Variants in COPZ1 observed in about 807,000 individuals in gnomAD.
COPZ1 encodes the protein coat protein complex I subunit zeta 1.
A neutral mutation model predicts 31.7 loss-of-function variants in COPZ1; 4 were observed. That is an observed-to-expected ratio of 0.13 (90% CI 0.06 to 0.29). The LOEUF (loss-of-function observed/expected upper bound fraction) is 0.29. Among genes scored for constraint, COPZ1 ranks in the 10% least tolerant of loss-of-function variants. COPZ1 has a pLI of 1.00. For synonymous variants in COPZ1, 74 were observed against 79.0 expected, an observed-to-expected ratio of 0.94 and a Z score of 0.33; for missense variants, 156 against 211.5, an observed-to-expected ratio of 0.74 and a Z score of 1.63.
rs191869878 is a variant in COPZ1 at position 54,334,469 on chromosome 12, A to G, written c.19-6078A>G. Among the ~76,000 whole-genome samples, 605 of 152,138 alleles carry G rather than the reference A, an allele frequency of 4.0e-3. 2 individuals are homozygous for G. The highest frequency in any genetic ancestry group is 0.014 in the African/African-American group (583 of 41,508). ...ACTGCTCTTCCCTGTCAAAGACTTT[A>G]GCTAATTCTTCTTTTCTTTTCATCT... On this transcript the variant is annotated intron_variant, in intron 1 of 8. Coordinates refer to ENST00000262061, the MANE Select transcript of COPZ1 (RefSeq NM_016057.3).
At chr12:54,326,776 A>G (rs1592194048) in intron 1 of COPZ1, among the ~76,000 whole-genome samples, 2 of 149,568 alleles carry the variant, frequency 1.3e-5, no homozygotes, top group East Asian at 3.9e-4. Context: ...CTTGTCTTTT[A>G]TTTTCCTTCA....
At chr12:54,336,653 A>T (rs947609884) in intron 1 of COPZ1, among the ~76,000 whole-genome samples, 27 of 149,434 alleles carry the variant, frequency 1.8e-4, no homozygotes, top group Non-Finnish European at 1.9e-4. Context: ...ACTAGGAATG[A>T]CTCTTTCCCT....
At chr12:54,326,264 G>A (rs1030653712) in intron 1 of COPZ1, among the ~76,000 whole-genome samples, 2 of 148,634 alleles carry the variant, frequency 1.3e-5, no homozygotes, top group African/African-American at 5.0e-5. Context: ...CTCAGCCTCC[G>A]GAGTGGCTGG....
chr12:54,340,968 G>C (rs1385870795), intron 2 of COPZ1, among the ~76,000 whole-genome samples: 1 of 152,020 alleles, frequency 6.6e-6, no homozygotes, highest in Non-Finnish European at 1.5e-5. Flanking sequence ...CAAAGTGTTG[G>C]GATTACAGGT....
At chr12:54,332,571 C>T (rs573279185) in intron 1 of COPZ1, among the ~76,000 whole-genome samples, 1 of 151,986 alleles carries the variant, frequency 6.6e-6, no homozygotes, top group Non-Finnish European at 1.5e-5. Context: ...GCCCTGTCTA[C>T]TAAAAACACA....
At chr12:54,334,011 G>A (rs2137091042) in intron 1 of COPZ1, among the ~76,000 whole-genome samples, 1 of 152,150 alleles carries the variant, frequency 6.6e-6, no homozygotes, top group East Asian at 1.9e-4. Flanking sequence ...GGGGAGGATC[G>A]CTTGAGCCTG....
Position 54,340,564 on chromosome 12 carries a change from T to C in COPZ1, c.36T>C (p.Thr12=). 1.9e-6 allele frequency: 3 copies of C among 1,614,116 alleles called. No homozygotes were observed. The highest frequency in any genetic ancestry group is 3.3e-4 in the Middle Eastern group (2 of 6,062). The change falls in exon 2 of 9, where the codon ACT becomes ACC. Residue 12 remains threonine, a synonymous_variant. Transcript: ENST00000262061. ...CTCTTCAGGAACCTTCCCTGTATACTGTCAAAGCCATCCTGATTCTGGACA... is the reference window on the plus strand; with the variant it reads ...CTCTTCAGGAACCTTCCCTGTATACCGTCAAAGCCATCCTGATTCTGGACA... ...EALILEPSLY[T]VKAILILDND... is the part of the protein sequence containing the mutation.
At chr12:54,339,117 A>G (rs1410643702) in intron 1 of COPZ1, among the ~76,000 whole-genome samples, 1 of 152,116 alleles carries the variant, frequency 6.6e-6, no homozygotes, top group Non-Finnish European at 1.5e-5. Context: ...TATCAATGGT[A>G]AGTAATGTTG....
intron 5 of COPZ1, 73 bp downstream of exon 5, chr12:54,345,588 G>T: frequency 8.2e-7 from 1 of 1,213,794 alleles, no homozygotes; most frequent in Non-Finnish European, 1.2e-6. Context: ...TTCTTTTTGG[G>T]AGATAAAGTA....
chr12:54,327,626 CAGT>C lies in COPZ1; in HGVS notation c.18+2446_18+2448del, dbSNP rs1224611769. Among the ~76,000 whole-genome samples the C allele has an allele frequency of 9.2e-5, 14 of 152,108 alleles. 1 individual carries two copies. In the South Asian group the frequency reaches 2.9e-3, roughly 31 times the overall value. On this transcript the variant is annotated intron_variant, in intron 1 of 8. Coordinates refer to ENST00000262061, the MANE Select transcript of COPZ1 (RefSeq NM_016057.3). ...GTATTCTTAATCAAGAGGTTGAGTG[CAGT>C]GGCTCATGCCTGTAATCCCAGCACT... is the stretch of plus-strand genomic sequence containing the variant.
chr12:54,336,397 C>T (rs1451528649), intron 1 of COPZ1, among the ~76,000 whole-genome samples: 4 of 151,906 alleles, frequency 2.6e-5, no homozygotes, highest in Non-Finnish European at 5.9e-5. Context: ...AAAAATTAGC[C>T]GGGCATGGTG....
chr12:54,348,864 C>A (rs1391001629), intron 7 of COPZ1, among the ~76,000 whole-genome samples: 1 of 152,108 alleles, frequency 6.6e-6, no homozygotes, highest in African/African-American at 2.4e-5. Context: ...CAGAAAGGGG[C>A]CTCTGAGTTA....
At chr12:54,337,042 A>G (rs1953883052) in intron 1 of COPZ1, among the ~76,000 whole-genome samples, 1 of 145,102 alleles carries the variant, frequency 6.9e-6, no homozygotes, top group South Asian at 2.2e-4. Flanking sequence ...AAAAAAAAAA[A>G]AAGAAGCCCC....
intron 8 of COPZ1, chr12:54,350,165 T>C: frequency 1.5e-6 from 1 of 675,154 alleles, no homozygotes; most frequent in Non-Finnish European, 2.7e-6. Context: ...GAAGTCCATC[T>C]GGATTTGTTA....
chr12:54,330,455 C>T (rs949220405), intron 1 of COPZ1, among the ~76,000 whole-genome samples: 6 of 152,230 alleles, frequency 3.9e-5, no homozygotes, highest in South Asian at 4.1e-4. Context: ...AGATTTCCGA[C>T]GTATTTATAT....
Position 54,326,635 on chromosome 12 carries a change from G to A in COPZ1, c.18+1454G>A, listed in dbSNP as rs1194292005. ...TCAAAAGTGCCCTATTTTGCGATTT[G>A]GAGGGGTGTGTGTGTGTGTGTGTGT... On this transcript the variant is annotated intron_variant, in intron 1 of 8. Transcript: ENST00000262061. Among the ~76,000 whole-genome samples, 3 of 116,558 alleles carry A rather than the reference G, an allele frequency of 2.6e-5. No homozygotes were observed. In the Admixed American group the frequency reaches 3.3e-4, roughly 13 times the overall value. 76.5% of individuals were successfully genotyped at this position (116,558 alleles called of 152,430 possible).
At chr12:54,336,717 C>G (rs549698695) in intron 1 of COPZ1, among the ~76,000 whole-genome samples, 20 of 150,728 alleles carry the variant, frequency 1.3e-4, no homozygotes, top group African/African-American at 4.9e-4. Context: ...ATGCTTTTCA[C>G]CAGGCTTTAG....
chr12:54,341,022 C>T (rs1161851938), intron 2 of COPZ1, among the ~76,000 whole-genome samples: 1 of 152,144 alleles, frequency 6.6e-6, no homozygotes, highest in Admixed American at 6.5e-5. Context: ...CTTATCTTGC[C>T]TACTCCAGAT....
At chr12:54,332,100 G>A (rs1420245892) in intron 1 of COPZ1, among the ~76,000 whole-genome samples, 2 of 152,094 alleles carry the variant, frequency 1.3e-5, no homozygotes, top group Non-Finnish European at 2.9e-5. Context: ...CGAGGCGGGC[G>A]GATCACGAGG....
Sources: gnomAD v4.1 joint callset for allele counts (sites outside exome capture counted in the v4.1 genomes callset) on GRCh38, gnomAD v4.1.1 for gene constraint, MANE v1.5 for transcripts, NCBI Gene and HGNC (gene_info 2026-07-23, HGNC 2026-07-21) for gene names.